TRAPPC8: variants seen among roughly 807,000 people sequenced by gnomAD.
TRAPPC8 encodes the protein trafficking protein particle complex subunit 8.
In TRAPPC8, 54 loss-of-function variants were observed where a neutral mutation model predicts 174.3. The ratio of observed to expected loss-of-function variants is 0.31; its 90% CI spans 0.25 to 0.39. The LOEUF (loss-of-function observed/expected upper bound fraction) is 0.39. Among genes scored for constraint, TRAPPC8 ranks in the 10% least tolerant of loss-of-function variants. The pLI, the probability that TRAPPC8 is intolerant of heterozygous loss-of-function variation, is 1.00. For missense variants in TRAPPC8, 1,531 were observed against 1,699.1 expected (o/e 0.90, Z 1.74); for synonymous variants, 630 against 579.9 (o/e 1.09, Z -1.24).
At chr18:31,877,505 G>A (rs567006420) in intron 12 of TRAPPC8, among the ~76,000 whole-genome samples, 36 of 151,750 alleles carry the variant, frequency 2.4e-4, no homozygotes, top group African/African-American at 8.5e-4. Context: ...CCACCTACTC[G>A]GGAGGCTGAG....
At chr18:31,879,512 AT>A (rs2035315620) in intron 12 of TRAPPC8, among the ~76,000 whole-genome samples, 2 of 152,182 alleles carry the variant, frequency 1.3e-5, no homozygotes, top group Admixed American at 1.3e-4. Flanking sequence ...CTAAATGCTT[AT>A]ATCAAAAAGA....
chr18:31,901,085 G>T (rs2036403079), intron 9 of TRAPPC8, 60 bp from the exon 10 acceptor site: 1 of 1,422,508 alleles, frequency 7.0e-7, no homozygotes, highest in Non-Finnish European at 9.5e-7. Context: ...CAGTTTAGAT[G>T]GGAAACTAAA....
At chr18:31,917,459 T>C in intron 3 of TRAPPC8, 119 bp downstream of exon 3, 1 of 847,990 alleles carries the variant, frequency 1.2e-6, no homozygotes, top group Non-Finnish European at 1.8e-6. Flanking sequence ...ATTGTCAATC[T>C]ATAAAAAATA....
intron 2 of TRAPPC8, among the ~76,000 whole-genome samples, chr18:31,927,042 C>CAGAT (rs1318560237): frequency 2.6e-5 from 4 of 152,272 alleles, no homozygotes; most frequent in Admixed American, 2.6e-4. Flanking sequence ...GGGCAAGGTA[C>CAGAT]AGATCACTGT....
chr18:31,880,132 T>C (rs538326737), intron 12 of TRAPPC8, among the ~76,000 whole-genome samples: 9 of 135,270 alleles, frequency 6.7e-5, no homozygotes, highest in African/African-American at 2.2e-4. Flanking sequence ...TTTTTTTTTT[T>C]TTAAGGAAGA....
intron 1 of TRAPPC8, among the ~76,000 whole-genome samples, chr18:31,933,226 G>A (rs544758571): frequency 2.4e-4 from 36 of 150,400 alleles, no homozygotes; most frequent in Admixed American, 1.7e-3. Flanking sequence ...GTGTGAACCC[G>A]GCGGGCGGAG....
chr18:31,905,291 A>T (rs536120819), intron 9 of TRAPPC8, among the ~76,000 whole-genome samples: 1 of 152,180 alleles, frequency 6.6e-6, no homozygotes, highest in Non-Finnish European at 1.5e-5. Context: ...GCAGTATTAT[A>T]AACTTATATC....
intron 12 of TRAPPC8, among the ~76,000 whole-genome samples, chr18:31,883,969 G>A (rs1402202950): frequency 6.6e-6 from 1 of 152,018 alleles, no homozygotes; most frequent in Admixed American, 6.6e-5. Context: ...CAGGTGGATC[G>A]CCTGAGGTCA....
rs1424219289 is a variant in TRAPPC8 at position 31,839,355 on chromosome 18, G to A, written c.3940C>T (p.Leu1314Phe). The change falls in exon 27 of 29, where the codon CTT becomes TTT. Residue 1314 changes from leucine (L) to phenylalanine (F), a missense_variant. Leu to Phe is a conservative substitution (Grantham distance 22, BLOSUM62 0). Transcript: ENST00000283351. The part of the protein sequence containing the change: ...EQLSSLIKTS[L>F]HYPESFNHPF... Reference sequence around the variant, plus strand: ...TGATTAAATGATTCTGGGTAGTGAAGACTCGTTTTAATGAGACTAGAAAGC... The same window carrying A: ...TGATTAAATGATTCTGGGTAGTGAAAACTCGTTTTAATGAGACTAGAAAGC... 6.2e-7 allele frequency: 1 copy of A among 1,611,136 alleles called. No homozygotes were observed.
At chr18:31,854,560 AAAAGTAAAGAACATTACAG>A (rs1433048388) in intron 21 of TRAPPC8, among the ~76,000 whole-genome samples, 8 of 152,340 alleles carry the variant, frequency 5.3e-5, no homozygotes, top group South Asian at 2.1e-4. Context: ...TTAAGAAGTT[AAAAGTAAAGAACATTACAG>A]AATTAAGTAA....
intron 12 of TRAPPC8, among the ~76,000 whole-genome samples, chr18:31,884,373 G>A (rs1291163716): frequency 6.6e-6 from 1 of 152,174 alleles, no homozygotes; most frequent in Non-Finnish European, 1.5e-5. Context: ...TGCTAAAACT[G>A]CATGTGAGCA....
intron 9 of TRAPPC8, 87 bp from the exon 10 acceptor site, chr18:31,901,112 G>T (rs1452299181): frequency 8.1e-7 from 1 of 1,236,760 alleles, no homozygotes. Context: ...AATGAAATTT[G>T]CTGTTTTTTT....
In TRAPPC8 at chr18:31,830,887, T is replaced by G; in HGVS notation, c.4176A>C (p.Ala1392=). The G allele has an allele frequency of 6.2e-7, 1 of 1,614,230 alleles. No individual in the cohort carries two copies. The highest frequency in any genetic ancestry group is 8.5e-7 in the Non-Finnish European group (1 of 1,180,038). ...SQEIHSLQLK[A]CFVHTGVYNL... ...TATAAACACCTGTATGAACAAAGCA[T>G]GCTTTCAGCTGCAGACTGTGAATCT... Residue 1392 remains alanine, a synonymous_variant, in exon 29 of 29, where the codon GCA becomes GCC. Coordinates refer to ENST00000283351, the MANE Select transcript of TRAPPC8 (RefSeq NM_014939.5).
Position 31,871,135 on chromosome 18 carries a change from T to G in TRAPPC8, c.2063-15A>C, listed in dbSNP as rs772153198. ...TTGTTTTTCACCTAAAAAAAATTTG[T>G]TAACAACACGTTTATGAAGACTTGC... On this transcript the variant is annotated splice_polypyrimidine_tract_variant and intron_variant, in intron 14 of 28. Transcript: ENST00000283351. 1.3e-6 allele frequency: 2 copies of G among 1,494,352 alleles called. No individual in the cohort carries two copies. Among genetic ancestry groups the G allele is most frequent in the Non-Finnish European group, 1.8e-6 (2 of 1,107,992 alleles). 92.6% of individuals were successfully genotyped at this position (1,494,352 alleles called of 1,614,324 possible). A position where few individuals can be genotyped will look rare whatever the true frequency, so the allele number is the denominator to read the frequency against.
chr18:31,880,756 A>G (rs1476623920), intron 12 of TRAPPC8, among the ~76,000 whole-genome samples: 1 of 152,152 alleles, frequency 6.6e-6, no homozygotes, highest in Non-Finnish European at 1.5e-5. Context: ...TAGAAAACCT[A>G]AAGATTCCTC....
chr18:31,910,154 A>G (rs2036847722), intron 5 of TRAPPC8, among the ~76,000 whole-genome samples: 1 of 152,204 alleles, frequency 6.6e-6, no homozygotes, highest in South Asian at 2.1e-4. Context: ...GAAGAGAGGC[A>G]CAGATATGAA....
chr18:31,849,677 T>C lies in TRAPPC8; in HGVS notation c.3624A>G (p.Lys1208=). The change falls in exon 25 of 29, where the codon AAA becomes AAG. Residue 1208 remains lysine (K), a synonymous_variant. Transcript: ENST00000283351. ...GCACAGGCAAGTGAGCTTGTGGTTT[T>C]TTCAATTCAGAAGATAAACTTCGAT... ...FFYRSLSSEL[K]KPQAHLPVHT... 1.2e-6 allele frequency: 2 copies of C among 1,612,320 alleles called. No individual in the cohort carries two copies. Among genetic ancestry groups the C allele is most frequent in the South Asian group, 2.2e-5 (2 of 90,794 alleles).
chr18:31,904,709 T>C (rs1272392679), intron 9 of TRAPPC8, among the ~76,000 whole-genome samples: 1 of 152,162 alleles, frequency 6.6e-6, no homozygotes, highest in African/African-American at 2.4e-5. Context: ...ATAATATCCA[T>C]GTGACAAAAT....
rs1162875156 is a variant in TRAPPC8 at position 31,942,727 on chromosome 18, G to C, written c.38C>G (p.Pro13Arg). ...QCVQSVQELI[P>R]DSFVPCVAAL... The stretch of plus-strand genomic sequence containing the variant: ...AGCGACACAGGGGACGAAGGAGTCC[G>C]GGATTAGCTCCTGCACTGATTGTAC... Residue 13 changes from proline to arginine, a missense_variant, in exon 1 of 29, where the codon CCG (proline) becomes CGG (arginine). By Grantham distance (103) the Pro-to-Arg change is moderately radical. Coordinates refer to ENST00000283351, the MANE Select transcript of TRAPPC8 (RefSeq NM_014939.5). 1.2e-6 allele frequency: 2 copies of C among 1,604,898 alleles called. No homozygotes were observed. Among genetic ancestry groups the C allele is most frequent in the East Asian group, 4.5e-5 (2 of 44,384 alleles).
Sources: allele counts gnomAD v4.1 joint callset (sites outside exome capture counted in the v4.1 genomes callset), GRCh38; gene constraint gnomAD v4.1.1; transcripts MANE v1.5; gene names NCBI Gene and HGNC (gene_info 2026-07-23, HGNC 2026-07-21).